The following DPP10 variants were observed in gnomAD, a reference collection of about 807,000 sequenced individuals.
The protein encoded by DPP10 is inactive dipeptidyl peptidase 10.
A neutral mutation model predicts 120.9 loss-of-function variants in DPP10; 33 were observed. That is an observed-to-expected ratio of 0.27 (90% CI 0.21 to 0.37). DPP10 has a LOEUF of 0.37. Among genes scored for constraint, DPP10 ranks in the 10% least tolerant of loss-of-function variants. The probability of loss-of-function intolerance (pLI) is 1.00; values close to 1 mark genes in which losing one functional copy is unlikely to be tolerated. For synonymous variants in DPP10, 337 were observed against 326.1 expected (o/e 1.03, Z -0.36); for missense variants, 816 against 942.8 (o/e 0.87, Z 1.76).
At chr2:115,777,132 C>A (rs1559140901) in intron 13 of DPP10, 76 bp from the exon 14 acceptor site, 1 of 1,277,888 alleles carries the variant, frequency 7.8e-7, no homozygotes, top group Non-Finnish European at 1.1e-6. Context: ...GTGTCACAAG[C>A]AGTTGGTACA....
chr2:115,015,769 A>G (rs904405438), intron 1 of DPP10, among the ~76,000 whole-genome samples: 7 of 152,188 alleles, frequency 4.6e-5, no homozygotes, highest in Admixed American at 6.5e-5. Context: ...AGAGAATAAA[A>G]TACCTAGGAA....
intron 1 of DPP10, among the ~76,000 whole-genome samples, chr2:115,058,478 C>G (rs1706123922): frequency 6.6e-6 from 1 of 152,178 alleles, no homozygotes; most frequent in Non-Finnish European, 1.5e-5. Flanking sequence ...CGGTTCACTG[C>G]AACCTCCGCC....
At chr2:114,654,179 T>C (rs1469038037) in intron 1 of DPP10, among the ~76,000 whole-genome samples, 1 of 152,182 alleles carries the variant, frequency 6.6e-6, no homozygotes, top group Admixed American at 6.5e-5. Flanking sequence ...TACATACGAG[T>C]AAACTGCACT....
chr2:115,072,016 G>A (rs1000364823), intron 1 of DPP10, among the ~76,000 whole-genome samples: 16 of 151,988 alleles, frequency 1.1e-4, no homozygotes, highest in South Asian at 1.0e-3. Flanking sequence ...CCACAGTTGA[G>A]GTAATGATAG....
intron 1 of DPP10, among the ~76,000 whole-genome samples, chr2:115,153,014 C>T (rs964664433): frequency 1.1e-4 from 17 of 152,062 alleles, no homozygotes; most frequent in African/African-American, 3.9e-4. Context: ...CAGATGGATG[C>T]CTACCCACAC....
At chr2:115,256,982 T>G (rs2059029443) in intron 1 of DPP10, among the ~76,000 whole-genome samples, 1 of 152,200 alleles carries the variant, frequency 6.6e-6, no homozygotes, top group South Asian at 2.1e-4. Flanking sequence ...ATAAACAGAA[T>G]GCAGCCAAGT....
intron 5 of DPP10, among the ~76,000 whole-genome samples, chr2:115,586,582 CCT>C (rs2082303273): frequency 6.6e-6 from 1 of 152,124 alleles, no homozygotes; most frequent in South Asian, 2.1e-4. Flanking sequence ...GAAGAAAATG[CCT>C]GTTTTCCCAC....
At chr2:115,267,944 A>T (rs905136566) in intron 1 of DPP10, among the ~76,000 whole-genome samples, 6 of 152,222 alleles carry the variant, frequency 3.9e-5, no homozygotes, top group South Asian at 4.1e-4. Flanking sequence ...GCTCACAAAC[A>T]TCTTACTCAT....
At chr2:115,012,439 C>T (rs1558990164) in intron 1 of DPP10, among the ~76,000 whole-genome samples, 1 of 152,204 alleles carries the variant, frequency 6.6e-6, no homozygotes, top group Non-Finnish European at 1.5e-5. Flanking sequence ...ACTTCACTCC[C>T]CTGCTGCCTC....
chr2:114,519,534 C>A (rs764934548), intron 1 of DPP10, among the ~76,000 whole-genome samples: 1 of 152,186 alleles, frequency 6.6e-6, no homozygotes, highest in Non-Finnish European at 1.5e-5. Flanking sequence ...ACCCTGGTAA[C>A]CTAAAGAAGG....
chr2:115,075,447 TTGTC>T (rs1707708987), intron 1 of DPP10, among the ~76,000 whole-genome samples: 1 of 152,166 alleles, frequency 6.6e-6, no homozygotes, highest in South Asian at 2.1e-4. Context: ...ATGTTGAAGG[TTGTC>T]TGGCCATGTC....
chr2:114,911,392 G>A (rs1398808168), intron 1 of DPP10, among the ~76,000 whole-genome samples: 1 of 152,110 alleles, frequency 6.6e-6, no homozygotes, highest in Admixed American at 6.5e-5. Context: ...GTCAGTCATG[G>A]TGCTTAACAC....
At chr2:114,598,407 GCTAA>G (rs939614078) in intron 1 of DPP10, among the ~76,000 whole-genome samples, 2 of 151,864 alleles carry the variant, frequency 1.3e-5, no homozygotes, top group African/African-American at 4.8e-5. Flanking sequence ...GCAAACTGCT[GCTAA>G]CTATTTTGCT....
intron 2 of DPP10, among the ~76,000 whole-genome samples, chr2:115,311,080 G>C (rs2061557087): frequency 6.6e-6 from 1 of 152,132 alleles, no homozygotes; most frequent in Non-Finnish European, 1.5e-5. Flanking sequence ...AAACCACAGT[G>C]ATGAACCATA....
At chr2:114,670,968 G>T (rs925522384) in intron 1 of DPP10, among the ~76,000 whole-genome samples, 11 of 152,054 alleles carry the variant, frequency 7.2e-5, no homozygotes, top group African/African-American at 2.7e-4. Context: ...ACATATTATA[G>T]AGCTAGTAAG....
intron 1 of DPP10, among the ~76,000 whole-genome samples, chr2:115,227,141 T>C (rs988548420): frequency 1.3e-4 from 20 of 152,150 alleles, no homozygotes; most frequent in African/African-American, 4.8e-4. Context: ...ACCAATCTTC[T>C]CAAGATTTGA....
chr2:114,873,768 A>T (rs1223637515), intron 1 of DPP10, among the ~76,000 whole-genome samples: 1 of 152,178 alleles, frequency 6.6e-6, no homozygotes, highest in Non-Finnish European at 1.5e-5. Context: ...ACGTCTGTTC[A>T]TGCAGCTCTG....
chr2:114,809,893 C>T (rs918685116), intron 1 of DPP10, among the ~76,000 whole-genome samples: 5 of 152,146 alleles, frequency 3.3e-5, no homozygotes, highest in African/African-American at 1.2e-4. Flanking sequence ...TTCTTTTCCC[C>T]CTGAATATCT....
chr2:114,460,684 C>T (rs1678854714), intron 1 of DPP10, among the ~76,000 whole-genome samples: 1 of 152,062 alleles, frequency 6.6e-6, no homozygotes, highest in Non-Finnish European at 1.5e-5. Flanking sequence ...CTACTGTAAG[C>T]TTTGTAGCTT....
Sources: allele counts gnomAD v4.1 joint callset (sites outside exome capture counted in the v4.1 genomes callset), GRCh38; gene constraint gnomAD v4.1.1; transcripts MANE v1.5; gene names NCBI Gene and HGNC (gene_info 2026-07-23, HGNC 2026-07-21).